The following GPR153 variants were observed in gnomAD, a reference collection of about 807,000 sequenced individuals.
The protein encoded by GPR153 is probable G protein-coupled receptor 153.
GPR153 carries 27 observed loss-of-function variants against 34.1 expected under a neutral mutation model. That is an observed-to-expected ratio of 0.79 (90% CI 0.58 to 1.09). The LOEUF is 1.09. Ranked by LOEUF, GPR153 falls within the 50% of genes least tolerant of loss-of-function variation. The pLI, the probability that GPR153 is intolerant of heterozygous loss-of-function variation, is 0.00. For missense variants in GPR153, 848 were observed against 860.2 expected, an observed-to-expected ratio of 0.99 and a Z score of 0.18; for synonymous variants, 408 against 405.4, an observed-to-expected ratio of 1.01 and a Z score of -0.08.
At chr1:6,255,082 C>G (rs1638537023) in intron 1 of GPR153, 68 bp from the exon 2 acceptor site, 1 of 492,488 alleles carries the variant, frequency 2.0e-6, no homozygotes, top group Non-Finnish European at 3.5e-6. Context: ...CCCTTAGGTA[C>G]TTGGGATGGG....
In GPR153 at chr1:6,254,662, G is replaced by A. The variant is rs1353638324; in HGVS notation, c.244C>T (p.Leu82Phe). ...QRPDFEWNEGLCKVFVSTFYT... is the reference protein window; with the variant it reads ...QRPDFEWNEGFCKVFVSTFYT... ...AAGGTGGACACGAAGACCTTGCAGA[G>A]ACCCTCATTCCACTCGAAGTCGGGG... Residue 82 changes from leucine to phenylalanine, a missense_variant, in exon 2 of 6, where the codon CTC becomes TTC. Transcript: ENST00000377893. The A allele has an allele frequency of 1.2e-6, 2 of 1,613,830 alleles. No individual in the cohort carries two copies. Among genetic ancestry groups the A allele is most frequent in the Admixed American group, 1.7e-5 (1 of 59,994 alleles).
Position 6,249,357 on chromosome 1 carries a change from G to A in GPR153, c.1811C>T (p.Ser604Leu), listed in dbSNP as rs866705177. ...SSGYATLHSDSLGSAS is the reference protein window; with the variant it reads ...SSGYATLHSDLLGSAS ...GCGGTCCTAGGACGCGGAGCCCAGCGAGTCCGAGTGCAGCGTGGCGTAGCC... is the reference window on the plus strand; with the variant it reads ...GCGGTCCTAGGACGCGGAGCCCAGCAAGTCCGAGTGCAGCGTGGCGTAGCC... The change falls in exon 6 of 6, where the codon TCG (serine) becomes TTG (leucine). Residue 604 changes from serine (S) to leucine (L), a missense_variant. Transcript: ENST00000377893. This position sits in a 1 kb window ranked among gnomAD's most constrained non-coding sequence, Gnocchi z 4.3. 2.3e-6 allele frequency: 3 copies of A among 1,325,152 alleles called. No homozygotes were observed. Among genetic ancestry groups the A allele is most frequent in the South Asian group, 2.1e-5 (1 of 47,066 alleles). The allele number at this position is 1,325,152 out of a possible 1,614,324, so 82.1% of individuals were successfully genotyped here.
chr1:6,249,495 G>A lies in GPR153; in HGVS notation c.1673C>T (p.Ala558Val), dbSNP rs1236089114. The A allele has an allele frequency of 1.4e-5, 18 of 1,272,222 alleles. No individual in the cohort carries two copies. The highest frequency in any genetic ancestry group is 1.7e-5 in the Non-Finnish European group (17 of 1,014,776). The allele number at this position is 1,272,222 out of a possible 1,614,324, so 78.8% of individuals were successfully genotyped here. The stretch of plus-strand genomic sequence containing the variant: ...GCTCAGGCCGGGGCGCAGAGAGCCG[G>A]CGTGCGAGTGCGCAGAGGGGCGTGG... ...PGPRPSAHSH[A>V]GSLRPGLSAS... is the part of the protein sequence containing the mutation. The change falls in exon 6 of 6, where the codon GCC becomes GTC. Residue 558 changes from alanine (A) to valine (V), a missense_variant. Ala to Val is a moderately conservative substitution (Grantham distance 64). Coordinates refer to ENST00000377893, the MANE Select transcript of GPR153 (RefSeq NM_207370.4). The surrounding 1 kb of genome is among the most constrained non-coding windows in gnomAD (Gnocchi z 4.3).
At chr1:6,259,068 T>C (rs28379911) in intron 1 of GPR153, among the ~76,000 whole-genome samples, 91,909 of 151,590 alleles carry the variant, frequency 0.61, 29,266 homozygotes, top group Admixed American at 0.72. Flanking sequence ...CGAGACCAGC[T>C]TGGGCAACAT....
At chr1:6,250,733 A>G in intron 4 of GPR153, 109 bp from the exon 5 acceptor site, 1 of 621,976 alleles carries the variant, frequency 1.6e-6, no homozygotes, top group South Asian at 2.0e-5. Context: ...ACAGACATAT[A>G]CAAGGTAGGG....
In GPR153 at chr1:6,249,859, G is replaced by A; in HGVS notation, c.1309C>T (p.Arg437Cys). ...TCCGCGAAGGCCAGGAGGCTGGCGC[G>A]GCGCCGCTCGGGCCCGGCAGGCAGC... is the stretch of plus-strand genomic sequence containing the variant. The part of the protein sequence containing the change: ...LVLPAGPERR[R>C]ASLLAFAEDA... Residue 437 changes from arginine (R) to cysteine (C), a missense_variant, in exon 6 of 6, where the codon CGC (arginine) becomes TGC (cysteine). Arg to Cys is a radical substitution (Grantham distance 180). Transcript: ENST00000377893. The surrounding 1 kb of genome is among the most constrained non-coding windows in gnomAD (Gnocchi z 4.3). 7.9e-7 allele frequency: 1 copy of A among 1,268,414 alleles called. No individual in the cohort carries two copies. The highest frequency in any genetic ancestry group is 1.0e-6 in the Non-Finnish European group (1 of 1,004,418). The allele number at this position is 1,268,414 out of a possible 1,614,324, so 78.6% of individuals were successfully genotyped here.
rs1638512636 is a variant in GPR153, at chr1:6,254,150, G to A, written c.357-3C>T. The A allele has an allele frequency of 6.2e-7, 1 of 1,602,618 alleles. No homozygotes were observed. The highest frequency in any genetic ancestry group is 1.3e-5 in the African/African-American group (1 of 74,754). On this transcript the variant is annotated splice_polypyrimidine_tract_variant and splice_region_variant and intron_variant, in intron 2 of 5. Transcript: ENST00000377893. ...CCTGCTTCTTGGCATTGCTCAGCCT[G>A]GCATGAGGCAGGGTGGAACAGAGGG... is the stretch of plus-strand genomic sequence containing the variant.
At position 6,249,342 on chromosome 1, in the gene GPR153, G is replaced by A. The variant is rs746518498; in HGVS notation, c.1826C>T (p.Ser609Phe). The A allele has an allele frequency of 5.4e-6, 7 of 1,303,142 alleles. No homozygotes were observed. The highest frequency in any genetic ancestry group is 6.8e-6 in the Non-Finnish European group (7 of 1,027,542). 80.7% of individuals were successfully genotyped at this position (1,303,142 alleles called of 1,614,324 possible). A position where few individuals can be genotyped will look rare whatever the true frequency, so the allele number is the denominator to read the frequency against. The change falls in exon 6 of 6, where the codon TCC (serine) becomes TTC (phenylalanine). Residue 609 changes from serine to phenylalanine, a missense_variant. Ser to Phe is a radical substitution (Grantham distance 155). Coordinates refer to ENST00000377893, the MANE Select transcript of GPR153 (RefSeq NM_207370.4). The surrounding 1 kb of genome is among the most constrained non-coding windows in gnomAD (Gnocchi z 4.3). ...CGTGGGGAGGCGCCGGCGGTCCTAG[G>A]ACGCGGAGCCCAGCGAGTCCGAGTG... ...TLHSDSLGSA[S>F] is the part of the protein sequence containing the mutation.
At position 6,254,861 on chromosome 1, in the gene GPR153, C is replaced by G. The variant is rs143907793; in HGVS notation, c.45G>C (p.Leu15=). ...RRLPGSAVGW[L]VCGGLSLLAN... ...CCAGCAGGGAGAGGCCCCCACATAC[C>G]AGCCAGCCCACTGCACTGCCAGGCA... Residue 15 remains leucine, a synonymous_variant, in exon 2 of 6, where the codon CTG becomes CTC. Coordinates refer to ENST00000377893, the MANE Select transcript of GPR153 (RefSeq NM_207370.4). 115 of 1,598,168 alleles carry G rather than the reference C, an allele frequency of 7.2e-5. No homozygotes were observed. The African/African-American group carries it at 1.3e-3, about 17-fold the overall frequency.
chr1:6,249,396 G>T lies in GPR153; in HGVS notation c.1772C>A (p.Pro591His), dbSNP rs762920453. 4.3e-6 allele frequency: 6 copies of T among 1,379,862 alleles called. No individual in the cohort carries two copies. The highest frequency in any genetic ancestry group is 4.7e-6 in the Non-Finnish European group (5 of 1,072,174). The allele number at this position is 1,379,862 out of a possible 1,614,324, so 85.5% of individuals were successfully genotyped here. A position where few individuals can be genotyped will look rare whatever the true frequency, so the allele number is the denominator to read the frequency against. ...GGSTSSFLSSPSESSGYATLH... is the reference protein window; with the variant it reads ...GGSTSSFLSSHSESSGYATLH... ...CGTGGCGTAGCCCGAGGACTCGGAG[G>T]GGGAACTCAGGAAGCTGCTGGTGCT... Residue 591 changes from proline (P) to histidine (H), a missense_variant, in exon 6 of 6, where the codon CCC becomes CAC. Physicochemically the swap from Pro to His is moderately conservative, Grantham distance 77 (BLOSUM62 -2). Coordinates refer to ENST00000377893, the MANE Select transcript of GPR153 (RefSeq NM_207370.4). The surrounding 1 kb of genome is among the most constrained non-coding windows in gnomAD (Gnocchi z 4.3).
In GPR153 at chr1:6,249,613, G is replaced by C; in HGVS notation, c.1555C>G (p.Pro519Ala). The stretch of plus-strand genomic sequence containing the variant: ...GCGGGCGCAGCGGGGAAGGGCCCGG[G>C]CGGGCGGCGCAGGGCCTGTGGCTCG... ...ECEPQALRRP[P>A]GPFPAAPAAP... The change falls in exon 6 of 6, where the codon CCC becomes GCC. Residue 519 changes from proline to alanine, a missense_variant. Pro to Ala is a conservative substitution (Grantham distance 27). Transcript: ENST00000377893. This position sits in a 1 kb window ranked among gnomAD's most constrained non-coding sequence, Gnocchi z 4.3. The C allele has an allele frequency of 8.9e-7, 1 of 1,124,412 alleles. No homozygotes were observed. Among genetic ancestry groups the C allele is most frequent in the Non-Finnish European group, 1.1e-6 (1 of 919,986 alleles). 69.7% of individuals were successfully genotyped at this position (1,124,412 alleles called of 1,614,324 possible).
At chr1:6,258,818 C>T (rs753681359) in intron 1 of GPR153, among the ~76,000 whole-genome samples, 59 of 151,832 alleles carry the variant, frequency 3.9e-4, no homozygotes, top group African/African-American at 1.4e-3. Context: ...TGTCTAGCCC[C>T]GTGACCTTGG....
At chr1:6,252,117 C>T (rs1258612103) in intron 3 of GPR153, among the ~76,000 whole-genome samples, 1 of 152,220 alleles carries the variant, frequency 6.6e-6, no homozygotes, top group African/African-American at 2.4e-5. Context: ...GCCCTCGTTG[C>T]TCTGTCCCAA....
At position 6,251,348 on chromosome 1, in the gene GPR153, C is replaced by T. The variant is rs1441285078; in HGVS notation, c.969G>A (p.Glu323=). ...TCAGGCCATCCTCACCATCGTCTGA[C>T]TCCTCGTCGTTGGCCATGAGGGCCA... The part of the protein sequence containing the change: ...KCMALMANDE[E]SDDETSLEGG... The change falls in exon 4 of 6, where the codon GAG becomes GAA. Residue 323 remains glutamate (E), a synonymous_variant. Transcript: ENST00000377893. The surrounding 1 kb of genome is among the most constrained non-coding windows in gnomAD (Gnocchi z 4.9). The T allele has an allele frequency of 5.0e-6, 8 of 1,605,692 alleles. No homozygotes were observed. The highest frequency in any genetic ancestry group is 6.0e-6 in the Non-Finnish European group (7 of 1,174,840).
In GPR153 at chr1:6,249,384, G is replaced by A; in HGVS notation, c.1784C>T (p.Ser595Leu). 1 of 1,368,296 alleles carries A rather than the reference G, an allele frequency of 7.3e-7. No individual in the cohort carries two copies. The highest frequency in any genetic ancestry group is 9.4e-7 in the Non-Finnish European group (1 of 1,067,244). The allele number at this position is 1,368,296 out of a possible 1,614,324, so 84.8% of individuals were successfully genotyped here. A position where few individuals can be genotyped will look rare whatever the true frequency, so the allele number is the denominator to read the frequency against. ...SSFLSSPSES[S>L]GYATLHSDSL... is the part of the protein sequence containing the mutation. ...GTCCGAGTGCAGCGTGGCGTAGCCCGAGGACTCGGAGGGGGAACTCAGGAA... is the reference window on the plus strand; with the variant it reads ...GTCCGAGTGCAGCGTGGCGTAGCCCAAGGACTCGGAGGGGGAACTCAGGAA... Residue 595 changes from serine to leucine, a missense_variant, in exon 6 of 6, where the codon TCG (serine) becomes TTG (leucine). Ser to Leu is a moderately radical substitution (Grantham distance 145, BLOSUM62 -2). Transcript: ENST00000377893. This position sits in a 1 kb window ranked among gnomAD's most constrained non-coding sequence, Gnocchi z 4.3.
Position 6,254,971 on chromosome 1 carries a change from G to C in GPR153, c.-66C>G. 1 of 1,284,852 alleles carries C rather than the reference G, an allele frequency of 7.8e-7. No individual in the cohort carries two copies. The highest frequency in any genetic ancestry group is 2.5e-5 in the East Asian group (1 of 40,296). The allele number at this position is 1,284,852 out of a possible 1,614,324, so 79.6% of individuals were successfully genotyped here. ...TGGAGCCAGGTCTCAGGGAGCAGCA[G>C]CCCTCACTCCTGGTGGCTCAAGGAT... is the stretch of plus-strand genomic sequence containing the variant. On this transcript the variant is annotated 5_prime_UTR_variant, in exon 2 of 6. Coordinates refer to ENST00000377893, the MANE Select transcript of GPR153 (RefSeq NM_207370.4).
At chr1:6,256,269 C>A (rs540314511) in intron 1 of GPR153, among the ~76,000 whole-genome samples, 1 of 152,266 alleles carries the variant, frequency 6.6e-6, no homozygotes, top group South Asian at 2.1e-4. Context: ...ACAGACCAGG[C>A]CTTGCCAGAC....
At chr1:6,258,775 C>CAACAAGCTCTGTCTAGCCCCGTG (rs373509317) in intron 1 of GPR153, among the ~76,000 whole-genome samples, 32 of 152,310 alleles carry the variant, frequency 2.1e-4, no homozygotes, top group African/African-American at 6.0e-4. Flanking sequence ...CTCAGATGCC[C>CAACAAGCTCTGTCTAGCCCCGTG]AACAAGCTCT....
In GPR153 at chr1:6,249,113, T is replaced by C; in HGVS notation, c.*225A>G. The C allele has an allele frequency of 5.3e-6, 2 of 378,916 alleles. No individual in the cohort carries two copies. Among genetic ancestry groups the C allele is most frequent in the Non-Finnish European group, 4.6e-6 (1 of 215,306 alleles). The allele number at this position is 378,916 out of a possible 1,614,324, so 23.5% of individuals were successfully genotyped here. Reference sequence around the variant, plus strand: ...CTCAGCTCCCCAGGCCCGACCTCACTCGGCCCGGGACATGCGGTGCCCAGC... The same window carrying C: ...CTCAGCTCCCCAGGCCCGACCTCACCCGGCCCGGGACATGCGGTGCCCAGC... On this transcript the variant is annotated 3_prime_UTR_variant, in exon 6 of 6. Coordinates refer to ENST00000377893, the MANE Select transcript of GPR153 (RefSeq NM_207370.4). The surrounding 1 kb of genome is among the most constrained non-coding windows in gnomAD (Gnocchi z 4.3).
Sources: allele counts gnomAD v4.1 joint callset (sites outside exome capture counted in the v4.1 genomes callset), GRCh38; gene constraint gnomAD v4.1.1; non-coding constraint Gnocchi (gnomAD v3.1); transcripts MANE v1.5; gene names NCBI Gene and HGNC (gene_info 2026-07-23, HGNC 2026-07-21).